The following COL25A1 variants were observed in gnomAD, a reference collection of about 807,000 sequenced individuals.
COL25A1 encodes the protein collagen type XXV alpha 1 chain, also known as collagen alpha-1(XXV) chain.
In COL25A1, 103 loss-of-function variants were observed where a neutral mutation model predicts 128.4. The observed-to-expected ratio is 0.80, with a 90% CI of 0.68 to 0.94. COL25A1 has a LOEUF of 0.94. Ranked by LOEUF, COL25A1 falls within the 40% of genes least tolerant of loss-of-function variation. The probability of loss-of-function intolerance (pLI) is 0.00; values close to 1 mark genes in which losing one functional copy is unlikely to be tolerated. For synonymous variants in COL25A1, 279 were observed against 277.2 expected, an observed-to-expected ratio of 1.01 and a Z score of -0.06; for missense variants, 745 against 840.0, an observed-to-expected ratio of 0.89 and a Z score of 1.40.
chr4:109,264,289 A>G (rs1458960672), intron 3 of COL25A1, among the ~76,000 whole-genome samples: 1 of 152,190 alleles, frequency 6.6e-6, no homozygotes, highest in Non-Finnish European at 1.5e-5. Flanking sequence ...TGAAAACCTC[A>G]GCCTGTTAGC....
At chr4:108,980,041 G>A (rs760705491) in intron 6 of COL25A1, among the ~76,000 whole-genome samples, 13 of 152,168 alleles carry the variant, frequency 8.5e-5, no homozygotes, top group Non-Finnish European at 1.3e-4. Context: ...GGAGTTCAGG[G>A]TGGTAAGAAC....
intron 13 of COL25A1, among the ~76,000 whole-genome samples, chr4:108,912,417 A>G (rs1311313438): frequency 6.6e-6 from 1 of 152,180 alleles, no homozygotes; most frequent in Admixed American, 6.5e-5. Flanking sequence ...AATGGTTGTA[A>G]GATACTTTCC....
At chr4:108,880,857 G>C (rs1446181331) in intron 19 of COL25A1, among the ~76,000 whole-genome samples, 1 of 152,160 alleles carries the variant, frequency 6.6e-6, no homozygotes, top group African/African-American at 2.4e-5. Flanking sequence ...AGAGAGCAAA[G>C]CCTAAGAAAA....
At chr4:109,043,065 T>C (rs1002004740) in intron 5 of COL25A1, among the ~76,000 whole-genome samples, 3 of 151,982 alleles carry the variant, frequency 2.0e-5, no homozygotes, top group African/African-American at 7.3e-5. Flanking sequence ...CAGTTCTGTC[T>C]CCTGCTAGAT....
At chr4:109,098,581 C>A (rs1461037961) in intron 3 of COL25A1, among the ~76,000 whole-genome samples, 1 of 152,170 alleles carries the variant, frequency 6.6e-6, no homozygotes, top group African/African-American at 2.4e-5. Context: ...ATAATTAAAT[C>A]TTCTTATGCT....
chr4:109,154,820 T>A (rs537390776), intron 3 of COL25A1, among the ~76,000 whole-genome samples: 1 of 152,364 alleles, frequency 6.6e-6, no homozygotes, highest in East Asian at 1.9e-4. Flanking sequence ...TTAATTTAAC[T>A]TCCCAACTCC....
chr4:109,022,259 G>C (rs914207034), intron 5 of COL25A1: 68 of 434,584 alleles, frequency 1.6e-4, no homozygotes, highest in African/African-American at 1.3e-3. Flanking sequence ...CTGACACTTA[G>C]GGAAAATAGA....
At chr4:109,176,804 T>C (rs1774149753) in intron 3 of COL25A1, among the ~76,000 whole-genome samples, 3 of 152,048 alleles carry the variant, frequency 2.0e-5, no homozygotes, top group Admixed American at 2.0e-4. Context: ...AGGAGGAACA[T>C]AGAGGAGAAG....
At chr4:108,969,282 G>A (rs1029955507) in intron 8 of COL25A1, among the ~76,000 whole-genome samples, 1 of 152,130 alleles carries the variant, frequency 6.6e-6, no homozygotes, top group African/African-American at 2.4e-5. Context: ...ATGACCAGAA[G>A]TCTACTAAGA....
At chr4:108,986,072 G>T (rs1753642299) in intron 6 of COL25A1, among the ~76,000 whole-genome samples, 1 of 152,090 alleles carries the variant, frequency 6.6e-6, no homozygotes, top group Admixed American at 6.5e-5. Context: ...AAGTCCTATA[G>T]ATTTCATTTT....
At chr4:108,931,096 G>A (rs757380678) in intron 11 of COL25A1, among the ~76,000 whole-genome samples, 3 of 152,160 alleles carry the variant, frequency 2.0e-5, no homozygotes, top group Non-Finnish European at 4.4e-5. Flanking sequence ...AACTAGATAA[G>A]TTGATTATGG....
intron 19 of COL25A1, among the ~76,000 whole-genome samples, chr4:108,871,743 A>T (rs1350277374): frequency 6.6e-6 from 1 of 152,216 alleles, no homozygotes; most frequent in Non-Finnish European, 1.5e-5. Flanking sequence ...GAGAAAAACC[A>T]CATACTTAAT....
At chr4:109,026,694 G>A (rs924849691) in intron 5 of COL25A1, among the ~76,000 whole-genome samples, 2 of 152,180 alleles carry the variant, frequency 1.3e-5, no homozygotes, top group African/African-American at 2.4e-5. Context: ...TAGCTAAAAG[G>A]CATATAGGGT....
chr4:109,155,716 C>T (rs1001226684), intron 3 of COL25A1, among the ~76,000 whole-genome samples: 2 of 152,186 alleles, frequency 1.3e-5, no homozygotes, highest in Non-Finnish European at 2.9e-5. Context: ...TCTTCATCCA[C>T]GGACCAACAG....
intron 10 of COL25A1, among the ~76,000 whole-genome samples, chr4:108,938,327 C>T (rs1444637535): frequency 3.3e-5 from 5 of 152,124 alleles, no homozygotes; most frequent in African/African-American, 7.2e-5. Flanking sequence ...ATTATAATGA[C>T]AGTCATTGGC....
At chr4:108,821,514 T>C (rs1474317079) in intron 35 of COL25A1, among the ~76,000 whole-genome samples, 2 of 152,336 alleles carry the variant, frequency 1.3e-5, no homozygotes, top group East Asian at 1.9e-4. Flanking sequence ...CTTCTTCACA[T>C]AGGTGTGTCT....
At chr4:108,914,485 T>A (rs1173796351) in intron 13 of COL25A1, among the ~76,000 whole-genome samples, 1 of 152,020 alleles carries the variant, frequency 6.6e-6, no homozygotes, top group Non-Finnish European at 1.5e-5. Flanking sequence ...AACTACCCAG[T>A]CTTTAAGAGC....
At chr4:109,183,612 C>G (rs1237206460) in intron 3 of COL25A1, among the ~76,000 whole-genome samples, 3 of 151,932 alleles carry the variant, frequency 2.0e-5, no homozygotes, top group Non-Finnish European at 4.4e-5. Context: ...AGAACTATAA[C>G]GAGGTATTTC....
At chr4:109,050,440 C>T (rs1579205464) in intron 3 of COL25A1, among the ~76,000 whole-genome samples, 1 of 152,056 alleles carries the variant, frequency 6.6e-6, no homozygotes, top group South Asian at 2.1e-4. Flanking sequence ...TTTGTTCATC[C>T]TGCTTTAATA....
Sources: gnomAD v4.1 joint callset for allele counts (sites outside exome capture counted in the v4.1 genomes callset) on GRCh38, gnomAD v4.1.1 for gene constraint, MANE v1.5 for transcripts, NCBI Gene and HGNC (gene_info 2026-07-23, HGNC 2026-07-21) for gene names.